DPYD: variants seen among roughly 807,000 people sequenced by gnomAD.
DPYD encodes the protein dihydropyrimidine dehydrogenase [NADP(+)].
A neutral mutation model predicts 116.2 loss-of-function variants in DPYD; 109 were observed. The ratio of observed to expected loss-of-function variants is 0.94; its 90% confidence interval spans 0.80 to 1.10. The LOEUF (loss-of-function observed/expected upper bound fraction) is 1.10. DPYD is among the 50% of genes least tolerant of loss of function. DPYD has a pLI of 0.00. For synonymous variants in DPYD, 440 were observed against 432.0 expected (o/e 1.02, Z -0.23); for missense variants, 1,302 against 1,254.5 (o/e 1.04, Z -0.57).
intron 20 of DPYD, among the ~76,000 whole-genome samples, chr1:97,106,181 GA>G (rs1388991712): frequency 1.3e-5 from 2 of 152,082 alleles, no homozygotes; most frequent in Non-Finnish European, 2.9e-5. Context: ...GTAGTGGTAG[GA>G]AAGTGAACTA....
At chr1:97,690,857 T>A (rs970404741) in intron 7 of DPYD, among the ~76,000 whole-genome samples, 10 of 152,140 alleles carry the variant, frequency 6.6e-5, no homozygotes, top group Non-Finnish European at 1.5e-4. Context: ...AATTAAAACG[T>A]AATTATAAAT....
intron 3 of DPYD, among the ~76,000 whole-genome samples, chr1:97,778,772 A>G (rs1293451857): frequency 3.3e-5 from 5 of 152,140 alleles, no homozygotes; most frequent in East Asian, 1.9e-4. Flanking sequence ...CTGAAAATCA[A>G]AAGAGTAGTA....
chr1:97,195,317 A>C (rs1250321722), intron 19 of DPYD, among the ~76,000 whole-genome samples: 1 of 151,964 alleles, frequency 6.6e-6, no homozygotes, highest in Non-Finnish European at 1.5e-5. Context: ...GCATGAATGA[A>C]AAAGAAAATG....
At chr1:97,201,394 T>C (rs552564862) in intron 19 of DPYD, among the ~76,000 whole-genome samples, 55 of 152,276 alleles carry the variant, frequency 3.6e-4, no homozygotes, top group African/African-American at 1.3e-3. Flanking sequence ...TTCTGACCAG[T>C]ACTAACAAAC....
At chr1:97,108,071 G>GTTC (rs1467803193) in intron 20 of DPYD, among the ~76,000 whole-genome samples, 9 of 152,100 alleles carry the variant, frequency 5.9e-5, no homozygotes, top group Admixed American at 5.9e-4. Flanking sequence ...ACATGCAGAA[G>GTTC]TTAATGAAAT....
chr1:97,572,134 A>C (rs1364902515), intron 11 of DPYD, among the ~76,000 whole-genome samples: 1 of 151,978 alleles, frequency 6.6e-6, no homozygotes, highest in African/African-American at 2.4e-5. Context: ...GACTTCTCTA[A>C]ATTTATAAGA....
intron 8 of DPYD, among the ~76,000 whole-genome samples, chr1:97,646,028 T>C (rs1658239547): frequency 6.6e-6 from 1 of 152,136 alleles, no homozygotes; most frequent in Non-Finnish European, 1.5e-5. Flanking sequence ...TATGACTTGA[T>C]CATTTTCCCT....
intron 3 of DPYD, among the ~76,000 whole-genome samples, chr1:97,749,522 G>A (rs1038064896): frequency 6.6e-6 from 1 of 152,210 alleles, no homozygotes; most frequent in Admixed American, 6.5e-5. Context: ...ATTTTAAAGA[G>A]TTCAGTTAAC....
chr1:97,445,915 C>G (rs772375517), intron 14 of DPYD, among the ~76,000 whole-genome samples: 1 of 151,876 alleles, frequency 6.6e-6, no homozygotes, highest in East Asian at 1.9e-4. Flanking sequence ...TTAGTAGAGA[C>G]GGGGTTTCAC....
Position 97,101,567 on chromosome 1 carries a change from G to A in DPYD, c.2623-2935C>T, listed in dbSNP as rs376794514. ...GAAGATGAATGCATAGTTGGCCACT[G>A]TGTGTGTGTGCAATCAGTGATGATT... On this transcript the variant is annotated intron_variant, in intron 20 of 22. Coordinates refer to ENST00000370192, the MANE Select transcript of DPYD (RefSeq NM_000110.4). Among the ~76,000 whole-genome samples the A allele has an allele frequency of 1.3e-3, 193 of 151,418 alleles. 4 individuals are homozygous for A. In the South Asian group the frequency reaches 0.013, roughly 10 times the overall value.
At chr1:97,866,014 G>C (rs1671357217) in intron 2 of DPYD, among the ~76,000 whole-genome samples, 1 of 151,892 alleles carries the variant, frequency 6.6e-6, no homozygotes, top group African/African-American at 2.4e-5. Context: ...GAATTAAGAA[G>C]AGTTTACTAT....
At position 97,211,095 on chromosome 1, in the gene DPYD, A is replaced by G. The variant is rs1299254416; in HGVS notation, c.2443-17847T>C. 2.0e-5 allele frequency among the ~76,000 whole-genome samples: 3 copies of G among 152,184 alleles called. No individual in the cohort carries two copies. In the East Asian group the frequency reaches 5.8e-4, roughly 29 times the overall value. On this transcript the variant is annotated intron_variant, in intron 19 of 22. Transcript: ENST00000370192. ...CATAATTTGCCACTGCATAAGACCA[A>G]CAATGTCTTGCCTCACTTTGCAAAA...
intron 18 of DPYD, among the ~76,000 whole-genome samples, chr1:97,263,766 C>A (rs1664039894): frequency 6.6e-6 from 1 of 152,072 alleles, no homozygotes; most frequent in Admixed American, 6.6e-5. Flanking sequence ...TGGACATCTA[C>A]ATTCTCCTTT....
intron 13 of DPYD, among the ~76,000 whole-genome samples, chr1:97,487,639 C>T (rs1246414895): frequency 6.6e-6 from 1 of 152,162 alleles, no homozygotes; most frequent in Non-Finnish European, 1.5e-5. Flanking sequence ...CACCACTGCA[C>T]TCCAGCCTGG....
At chr1:97,657,081 C>A (rs1181262087) in intron 8 of DPYD, among the ~76,000 whole-genome samples, 2 of 151,556 alleles carry the variant, frequency 1.3e-5, no homozygotes, top group Non-Finnish European at 2.9e-5. Context: ...GATTCTCCTG[C>A]CTTAGCCTCC....
chr1:97,667,902 T>C (rs1408681369), intron 8 of DPYD, among the ~76,000 whole-genome samples: 2 of 152,102 alleles, frequency 1.3e-5, no homozygotes, highest in African/African-American at 4.8e-5. Context: ...TTGTGACACA[T>C]GCTACAACAT....
At chr1:97,623,822 A>T (rs1656769406) in intron 8 of DPYD, among the ~76,000 whole-genome samples, 1 of 152,026 alleles carries the variant, frequency 6.6e-6, no homozygotes, top group African/African-American at 2.4e-5. Context: ...ATCCAGAAAT[A>T]AACCCATGCA....
At chr1:97,363,697 C>A (rs1356027422) in intron 16 of DPYD, among the ~76,000 whole-genome samples, 1 of 152,024 alleles carries the variant, frequency 6.6e-6, no homozygotes, top group African/African-American at 2.4e-5. Context: ...CAAACTAGCA[C>A]AAGGACAAAA....
At chr1:97,571,723 A>T (rs953782027) in intron 11 of DPYD, among the ~76,000 whole-genome samples, 3 of 151,966 alleles carry the variant, frequency 2.0e-5, no homozygotes, top group African/African-American at 7.2e-5. Flanking sequence ...TCTTACCCAA[A>T]TGGACATCTT....
Sources: allele counts gnomAD v4.1 joint callset (sites outside exome capture counted in the v4.1 genomes callset), GRCh38; gene constraint gnomAD v4.1.1; transcripts MANE v1.5; gene names NCBI Gene and HGNC (gene_info 2026-07-23, HGNC 2026-07-21).